The following TFG variants were observed in gnomAD, a reference collection of about 807,000 sequenced individuals.
TFG encodes trafficking from ER to golgi regulator.
A neutral mutation model predicts 51.4 loss-of-function variants in TFG; 22 were observed. The observed-to-expected ratio is 0.43, with a 90% confidence interval of 0.31 to 0.61. TFG has a LOEUF of 0.61. Among genes scored for constraint, TFG ranks in the 20% least tolerant of loss-of-function variants. The pLI is 0.12. For missense variants in TFG, 419 were observed against 487.7 expected (o/e 0.86, Z 1.33); for synonymous variants, 187 against 165.6 (o/e 1.13, Z -0.99).
chr3:100,711,282 T>C (rs560482524), intron 1 of TFG, among the ~76,000 whole-genome samples: 1 of 152,232 alleles, frequency 6.6e-6, no homozygotes, highest in African/African-American at 2.4e-5. Context: ...TTTGTATTTT[T>C]AGTAGAGACA....
chr3:100,715,890 CT>C (rs746654375), intron 2 of TFG, among the ~76,000 whole-genome samples: 516 of 136,166 alleles, frequency 3.8e-3, no homozygotes, highest in Non-Finnish European at 4.6e-3. Context: ...AGATTTTTAA[CT>C]TTTTTTTTTT....
chr3:100,713,453 G>A (rs186086461), intron 1 of TFG, among the ~76,000 whole-genome samples, 190 bp from the exon 2 acceptor site: 4 of 152,312 alleles, frequency 2.6e-5, no homozygotes, highest in East Asian at 1.9e-4. Flanking sequence ...AATAGTAGAC[G>A]TAAAATAAAA....
chr3:100,737,506 C>A (rs1377358040), intron 6 of TFG, among the ~76,000 whole-genome samples: 1 of 152,182 alleles, frequency 6.6e-6, no homozygotes, highest in Non-Finnish European at 1.5e-5. Context: ...AGGGTGCCTT[C>A]CAGATAATGA....
intron 1 of TFG, among the ~76,000 whole-genome samples, chr3:100,712,662 G>A (rs543108373): frequency 2.1e-4 from 32 of 152,276 alleles, no homozygotes; most frequent in African/African-American, 7.2e-4. Flanking sequence ...TAGACTCTGG[G>A]AATATGGAAA....
intron 6 of TFG, among the ~76,000 whole-genome samples, chr3:100,737,859 G>T (rs926486157): frequency 5.3e-5 from 8 of 151,992 alleles, no homozygotes; most frequent in African/African-American, 1.9e-4. Flanking sequence ...GACTAGGCTG[G>T]GTGACATAGT....
At chr3:100,741,502 TATTAAAAAA>T (rs1210903428) in intron 6 of TFG, among the ~76,000 whole-genome samples, 1 of 152,174 alleles carries the variant, frequency 6.6e-6, no homozygotes, top group African/African-American at 2.4e-5. Flanking sequence ...TAAGCTAAAG[TATTAAAAAA>T]GTTAAAAAAT....
At chr3:100,725,050 C>A (rs1397769212) in intron 3 of TFG, among the ~76,000 whole-genome samples, 1 of 152,140 alleles carries the variant, frequency 6.6e-6, no homozygotes, top group Non-Finnish European at 1.5e-5. Context: ...ACTACAGGCA[C>A]CTGCCACCAC....
chr3:100,728,840 A>T lies in TFG; in HGVS notation c.397A>T (p.Thr133Ser). 1 of 1,604,810 alleles carries T rather than the reference A, an allele frequency of 6.2e-7. No individual in the cohort carries two copies. Among genetic ancestry groups the T allele is most frequent in the South Asian group, 1.1e-5 (1 of 89,580 alleles). Residue 133 changes from threonine (T) to serine (S), a missense_variant, in exon 4 of 8, where the codon ACC becomes TCC. Physicochemically the swap from Thr to Ser is moderately conservative, Grantham distance 58 (BLOSUM62 1). Transcript: ENST00000240851. ...LEPPGEPGPS[T>S]NIPENDTVDG... ...ACCACCTGGAGAACCAGGACCTTCC[A>T]CCAATATTCCTGAAAATGGTAAACC...
chr3:100,712,254 A>G (rs911922167), intron 1 of TFG, among the ~76,000 whole-genome samples: 1 of 152,192 alleles, frequency 6.6e-6, no homozygotes, highest in Non-Finnish European at 1.5e-5. Context: ...ATATTCATAT[A>G]ATAGGATTCA....
intron 6 of TFG, among the ~76,000 whole-genome samples, chr3:100,741,632 T>C (rs1360761636): frequency 6.6e-6 from 1 of 152,166 alleles, no homozygotes; most frequent in East Asian, 1.9e-4. Context: ...TGTAAACCTT[T>C]AGTAGTGCAC....
chr3:100,732,687 A>C lies in TFG; in HGVS notation c.580+15A>C. 1.9e-6 allele frequency: 3 copies of C among 1,602,508 alleles called. No individual in the cohort carries two copies. Among genetic ancestry groups the C allele is most frequent in the Non-Finnish European group, 2.6e-6 (3 of 1,173,384 alleles). ...TCAGGTTTCAGGTAAGTTGGTTTCC[A>C]ACTCCTTTACACCCTTCGTTTCCTT... On this transcript the variant is annotated intron_variant, in intron 5 of 7. Transcript: ENST00000240851.
intron 3 of TFG, among the ~76,000 whole-genome samples, chr3:100,725,187 T>C (rs1576363429): frequency 2.6e-5 from 4 of 152,094 alleles, no homozygotes; most frequent in South Asian, 2.1e-4. Flanking sequence ...ATTACAGATA[T>C]GAGCCACCAC....
At chr3:100,723,679 A>G (rs1322531008) in intron 3 of TFG, among the ~76,000 whole-genome samples, 1 of 152,192 alleles carries the variant, frequency 6.6e-6, no homozygotes, top group African/African-American at 2.4e-5. Context: ...AGCAATCTGA[A>G]CACTTATGCA....
At chr3:100,711,618 A>C (rs1387644808) in intron 1 of TFG, among the ~76,000 whole-genome samples, 4 of 152,158 alleles carry the variant, frequency 2.6e-5, no homozygotes, top group Admixed American at 1.3e-4. Context: ...AAATTTAAAC[A>C]AAGTCTTTAA....
At chr3:100,721,355 A>T (rs2095060269) in intron 3 of TFG, among the ~76,000 whole-genome samples, 1 of 152,150 alleles carries the variant, frequency 6.6e-6, no homozygotes, top group South Asian at 2.1e-4. Context: ...GATAGTAGAG[A>T]TTTTAGCCTG....
chr3:100,740,033 A>G (rs2095117030), intron 6 of TFG, among the ~76,000 whole-genome samples: 1 of 152,080 alleles, frequency 6.6e-6, no homozygotes. Flanking sequence ...GACTTGTTCA[A>G]ATGAGGGGCC....
intron 3 of TFG, among the ~76,000 whole-genome samples, chr3:100,720,467 A>T (rs2095057627): frequency 6.6e-6 from 1 of 152,216 alleles, no homozygotes; most frequent in African/African-American, 2.4e-5. Flanking sequence ...TTTGCACTGG[A>T]AACTGGTTTC....
At chr3:100,714,816 G>A (rs1014392838) in intron 2 of TFG, among the ~76,000 whole-genome samples, 4 of 152,204 alleles carry the variant, frequency 2.6e-5, no homozygotes, top group Admixed American at 6.5e-5. Flanking sequence ...GTAGTATGCA[G>A]TGTTCCCAGA....
Position 100,719,835 on chromosome 3 carries a change from AAGTTT to A in TFG, c.185-138_185-134del, listed in dbSNP as rs2095055875. The A allele has an allele frequency of 7.6e-6, 4 of 527,866 alleles. No homozygotes were observed. The East Asian group carries it at 1.4e-4, about 18-fold the overall frequency. 32.7% of individuals were successfully genotyped at this position (527,866 alleles called of 1,614,324 possible). A position where few individuals can be genotyped will look rare whatever the true frequency, so the allele number is the denominator to read the frequency against. ...CAAATGCATTTTTGCTAGACCTTTAAAGTTTAAGGTTTCTATGGGAGAGTCCAACT... is the reference window on the plus strand; with the variant it reads ...CAAATGCATTTTTGCTAGACCTTTAAAAGGTTTCTATGGGAGAGTCCAACT... On this transcript the variant is annotated intron_variant, in intron 2 of 7. Coordinates refer to ENST00000240851, the MANE Select transcript of TFG (RefSeq NM_006070.6).
Sources: gnomAD v4.1 joint callset for allele counts (sites outside exome capture counted in the v4.1 genomes callset) on GRCh38, gnomAD v4.1.1 for gene constraint, MANE v1.5 for transcripts, NCBI Gene and HGNC (gene_info 2026-07-23, HGNC 2026-07-21) for gene names.